TNNT2: variants seen among roughly 807,000 people sequenced by gnomAD.
TNNT2 encodes troponin T, cardiac muscle.
TNNT2 carries 34 observed loss-of-function variants against 62.4 expected under a neutral mutation model. The ratio of observed to expected loss-of-function variants is 0.54; its 90% CI spans 0.41 to 0.72. The LOEUF is 0.72. TNNT2 is among the 30% of genes least tolerant of loss of function. TNNT2 has a pLI of 0.00. For missense variants in TNNT2, 275 were observed against 381.9 expected (o/e 0.72, Z 2.33); for synonymous variants, 123 against 127.2 (o/e 0.97, Z 0.22).
chr1:201,361,156 G>A, intron 15 of TNNT2, 123 bp downstream of exon 15: 1 of 915,134 alleles, frequency 1.1e-6, no homozygotes. Flanking sequence ...AGATGCAGGA[G>A]CTGAAGGGGG....
chr1:201,366,350 T>A, intron 8 of TNNT2: 2 of 936,664 alleles, frequency 2.1e-6, no homozygotes, highest in South Asian at 9.0e-5. Flanking sequence ...AGGGAAATGC[T>A]CCCTATCCCC....
chr1:201,368,391 T>C (rs376607276), intron 5 of TNNT2, 164 bp from the exon 6 acceptor site: 4 of 747,356 alleles, frequency 5.4e-6, no homozygotes, highest in Non-Finnish European at 9.3e-6. Flanking sequence ...CCATTCTTGG[T>C]TTTGACTGTC....
At chr1:201,362,266 T>C (rs1658810217) in intron 13 of TNNT2, 120 bp downstream of exon 13, 3 of 1,507,352 alleles carry the variant, frequency 2.0e-6, no homozygotes, top group Non-Finnish European at 2.7e-6. Flanking sequence ...TCTCACCAGC[T>C]TCCCCCCTCC....
chr1:201,370,452 C>G (rs185943219), intron 4 of TNNT2, among the ~76,000 whole-genome samples: 1 of 152,296 alleles, frequency 6.6e-6, no homozygotes, highest in East Asian at 1.9e-4. Context: ...CATTATAAAT[C>G]TAAGGAAAGA....
rs368262395 is a variant in TNNT2, at chr1:201,367,861, C to T, written c.164-55G>A. 2.6e-4 allele frequency: 419 copies of T among 1,600,570 alleles called. 3 individuals carry two copies. The African/African-American group carries it at 3.7e-3, about 14-fold the overall frequency. On this transcript the variant is annotated intron_variant, in intron 6 of 16. Coordinates refer to ENST00000656932, the MANE Select transcript of TNNT2 (RefSeq NM_001276345.2). ...TCCTTGTTCTGAGCTCAAGTCCCCC[C>T]CTCCGCCACCAGCAAGAGCCTTCCC...
Position 201,366,663 on chromosome 1 carries a change from A to T in TNNT2, c.233+175T>A, listed in dbSNP as rs1360053807. 16 of 1,510,028 alleles carry T rather than the reference A, an allele frequency of 1.1e-5. No individual in the cohort carries two copies. In the East Asian group the frequency reaches 3.6e-4, roughly 34 times the overall value. 93.5% of individuals were successfully genotyped at this position (1,510,028 alleles called of 1,614,324 possible). On this transcript the variant is annotated intron_variant, in intron 8 of 16. Transcript: ENST00000656932. Reference sequence around the variant, plus strand: ...GTTGGGTGGAATTCAGCCCTCACTCACTCCCTTAGGAAGAGACGCTTGTGC... The same window carrying T: ...GTTGGGTGGAATTCAGCCCTCACTCTCTCCCTTAGGAAGAGACGCTTGTGC...
At chr1:201,368,577 C>G (rs1558240334) in intron 5 of TNNT2, 1 of 444,918 alleles carries the variant, frequency 2.2e-6, no homozygotes, top group East Asian at 6.3e-5. Context: ...CCTAGTGACT[C>G]TAGACACCCT....
At chr1:201,370,336 C>T (rs1660435596) in intron 4 of TNNT2, among the ~76,000 whole-genome samples, 1 of 152,188 alleles carries the variant, frequency 6.6e-6, no homozygotes. Context: ...AAACTATGTC[C>T]AGTTTCCAGG....
chr1:201,366,368 C>T (rs1334279463), intron 8 of TNNT2: 1 of 1,055,028 alleles, frequency 9.5e-7, no homozygotes, highest in Non-Finnish European at 1.1e-6. Flanking sequence ...CCCCAGCCCC[C>T]CCCAGCACAC....
In TNNT2 at chr1:201,361,889, A is replaced by G; in HGVS notation, c.719+24T>C. 4 of 1,607,412 alleles carry G rather than the reference A, an allele frequency of 2.5e-6. No individual in the cohort carries two copies. The Middle Eastern group carries it at 5.0e-4, about 199-fold the overall frequency. On this transcript the variant is annotated intron_variant, in intron 14 of 16. Transcript: ENST00000656932. The stretch of plus-strand genomic sequence containing the variant: ...CCAGAGCAGATGCGGGCAGTGCCCC[A>G]GGACCATTCCTCCCAGCCCCCACCT...
At chr1:201,366,071 G>A in intron 8 of TNNT2, 3 of 1,145,798 alleles carry the variant, frequency 2.6e-6, no homozygotes, top group Non-Finnish European at 3.3e-6. Flanking sequence ...CATGAACCTG[G>A]GAGTCTTGCA....
intron 11 of TNNT2, 121 bp downstream of exon 11, chr1:201,364,177 C>T: frequency 8.8e-7 from 1 of 1,131,150 alleles, no homozygotes; most frequent in Non-Finnish European, 1.3e-6. Context: ...AGCCACCGCA[C>T]CCGGCCAATA....
rs867035950 is a variant in TNNT2 at position 201,361,923 on chromosome 1, C to T, written c.709G>A (p.Asp237Asn). Residue 237 changes from aspartate to asparagine, a missense_variant, in exon 14 of 17, where the codon GAT becomes AAT. Physicochemically the swap from Asp to Asn is conservative, Grantham distance 23. Coordinates refer to ENST00000656932, the MANE Select transcript of TNNT2 (RefSeq NM_001276345.2). ...CCTCCCAGCCCCCACCTCAGCTGAT[C>T]TTCATTCAGGTGGTCAATGGCCAGC... ...KVLAIDHLNE[D>N]QLREKAKELW... 6.2e-7 allele frequency: 1 copy of T among 1,613,944 alleles called. No individual in the cohort carries two copies. Among genetic ancestry groups the T allele is most frequent in the Non-Finnish European group, 8.5e-7 (1 of 1,179,874 alleles).
chr1:201,366,724 G>C, intron 8 of TNNT2, 114 bp downstream of exon 8: 1 of 1,605,290 alleles, frequency 6.2e-7, no homozygotes, highest in Non-Finnish European at 8.5e-7. Context: ...GTGGTGCTCT[G>C]TGCCCACCAA....
At chr1:201,370,625 C>G (rs1416598651) in intron 4 of TNNT2, among the ~76,000 whole-genome samples, 1 of 152,250 alleles carries the variant, frequency 6.6e-6, no homozygotes, top group Non-Finnish European at 1.5e-5. Context: ...TCATTTGCAG[C>G]CAGATCCTCA....
rs1658088536 is a variant in TNNT2, at chr1:201,359,050, G to A, written c.*160C>T. 2.5e-6 allele frequency: 2 copies of A among 796,186 alleles called. No homozygotes were observed. Among genetic ancestry groups the A allele is most frequent in the Non-Finnish European group, 4.3e-6 (2 of 469,160 alleles). 49.3% of individuals were successfully genotyped at this position (796,186 alleles called of 1,614,324 possible). A position where few individuals can be genotyped will look rare whatever the true frequency, so the allele number is the denominator to read the frequency against. ...TGGCTTTTTATTACTGGTGTGGAGT[G>A]GGTGTGGGGGCAGGCAGGAGTGGTG... On this transcript the variant is annotated 3_prime_UTR_variant, in exon 17 of 17. Transcript: ENST00000656932.
rs1251678238 is a variant in TNNT2, at chr1:201,362,381, C to G, written c.609+5G>C. On this transcript the variant is annotated splice_donor_5th_base_variant and intron_variant, in intron 13 of 16. Transcript: ENST00000656932. ...GGAAGAAGGCTTGAGGTTTTTGGTACCCACCTGGGCCTGCTAAACCGGGAA... is the reference window on the plus strand; with the variant it reads ...GGAAGAAGGCTTGAGGTTTTTGGTAGCCACCTGGGCCTGCTAAACCGGGAA... 1.2e-6 allele frequency: 2 copies of G among 1,613,842 alleles called. No homozygotes were observed. Among genetic ancestry groups the G allele is most frequent in the Non-Finnish European group, 8.5e-7 (1 of 1,179,928 alleles).
intron 1 of TNNT2, among the ~76,000 whole-genome samples, chr1:201,376,195 G>A (rs146713556): frequency 5.9e-5 from 9 of 152,272 alleles, no homozygotes; most frequent in East Asian, 5.8e-4. Context: ...AGCCTAACAC[G>A]TTCACAGGGT....
chr1:201,369,543 G>A lies in TNNT2; in HGVS notation c.97+273C>T, dbSNP rs1660269177. 2.0e-5 allele frequency among the ~76,000 whole-genome samples: 3 copies of A among 152,152 alleles called. No individual in the cohort carries two copies. The South Asian group carries it at 6.2e-4, about 32-fold the overall frequency. On this transcript the variant is annotated intron_variant, in intron 5 of 16. Transcript: ENST00000656932. Reference sequence around the variant, plus strand: ...CTATGGCCACATTTGGAGCAGCTTGGGAGACCAGCTAGCCTTGGTCCCTCC... The same window carrying A: ...CTATGGCCACATTTGGAGCAGCTTGAGAGACCAGCTAGCCTTGGTCCCTCC...
Sources: gnomAD v4.1 joint callset for allele counts (sites outside exome capture counted in the v4.1 genomes callset) on GRCh38, gnomAD v4.1.1 for gene constraint, MANE v1.5 for transcripts, NCBI Gene and HGNC (gene_info 2026-07-23, HGNC 2026-07-21) for gene names.